Variants in NCOA2 observed in about 807,000 individuals in gnomAD.
NCOA2 encodes nuclear receptor coactivator 2, also known as class E basic helix-loop-helix protein 75.
In NCOA2, 21 loss-of-function variants were observed where a neutral mutation model predicts 145.1. The observed-to-expected ratio is 0.14, with a 90% CI of 0.10 to 0.21. The LOEUF (loss-of-function observed/expected upper bound fraction) is 0.21. Ranked by LOEUF, NCOA2 falls within the 10% of genes least tolerant of loss-of-function variation. The pLI, the probability that NCOA2 is intolerant of heterozygous loss-of-function variation, is 1.00. For synonymous variants in NCOA2, 619 were observed against 637.5 expected, an observed-to-expected ratio of 0.97 and a Z score of 0.44; for missense variants, 1,472 against 1,837.6, an observed-to-expected ratio of 0.80 and a Z score of 3.64.
At chr8:70,373,389 C>T (rs1811387214) in intron 1 of NCOA2, among the ~76,000 whole-genome samples, 1 of 152,100 alleles carries the variant, frequency 6.6e-6, no homozygotes. Flanking sequence ...CTGTCCAAGT[C>T]TTTTGAACAT....
rs908697802 is a variant in NCOA2, at chr8:70,112,279, T to C, written c.*1353A>G. ...CCTTTAGGAGACATTGCTATGAAGATATCTAATTTAATACTGAAGTACCTC... is the reference window on the plus strand; with the variant it reads ...CCTTTAGGAGACATTGCTATGAAGACATCTAATTTAATACTGAAGTACCTC... On this transcript the variant is annotated 3_prime_UTR_variant, in exon 23 of 23. Coordinates refer to ENST00000452400, the MANE Select transcript of NCOA2 (RefSeq NM_006540.4). The C allele has an allele frequency of 3.6e-5, 7 of 196,128 alleles. No homozygotes were observed. The highest frequency in any genetic ancestry group is 5.3e-5 in the Non-Finnish European group (5 of 94,262). 12.1% of individuals were successfully genotyped at this position (196,128 alleles called of 1,614,324 possible). A position where few individuals can be genotyped will look rare whatever the true frequency, so the allele number is the denominator to read the frequency against.
At chr8:70,442,993 C>T in the NCOA2 span, among the ~76,000 whole-genome samples, 1 of 152,160 alleles carries the variant, frequency 6.6e-6, no homozygotes, top group African/African-American at 2.4e-5. Context: ...CACAAAAAAG[C>T]TTAACAAGTC....
chr8:70,271,093 C>T (rs1291821867), intron 2 of NCOA2, among the ~76,000 whole-genome samples: 3 of 152,106 alleles, frequency 2.0e-5, no homozygotes, highest in Non-Finnish European at 4.4e-5. Flanking sequence ...GAAAATACAT[C>T]TTGGCTCATT....
intron 2 of NCOA2, chr8:70,273,494 C>A: frequency 1.6e-6 from 1 of 643,954 alleles, no homozygotes; most frequent in South Asian, 1.7e-5. Context: ...TGATAAAAAA[C>A]GTCAGTTCTC....
intron 19 of NCOA2, 71 bp downstream of exon 19, chr8:70,126,742 C>T: frequency 2.4e-6 from 3 of 1,273,384 alleles, no homozygotes; most frequent in African/African-American, 1.5e-5. Context: ...GAGAGAGGAG[C>T]TGTGACCCAA....
rs1269119620 is a variant in NCOA2 at position 70,113,235 on chromosome 8, C to G, written c.*397G>C. ...GCACTAGACTGTTAGCCAGGGAAAA[C>G]AAAGCAAGAAACCAGTGTCTGGAAC... On this transcript the variant is annotated 3_prime_UTR_variant, in exon 23 of 23. Coordinates refer to ENST00000452400, the MANE Select transcript of NCOA2 (RefSeq NM_006540.4). 3 of 262,794 alleles carry G rather than the reference C, an allele frequency of 1.1e-5. No homozygotes were observed. Among genetic ancestry groups the G allele is most frequent in the African/African-American group, 4.3e-5 (2 of 46,196 alleles). 16.3% of individuals were successfully genotyped at this position (262,794 alleles called of 1,614,324 possible).
chr8:70,314,008 A>AATAT (rs371668024), intron 1 of NCOA2, among the ~76,000 whole-genome samples: 5 of 149,902 alleles, frequency 3.3e-5, no homozygotes, highest in East Asian at 2.0e-4. Context: ...CCTACTAAAA[A>AATAT]ATATATATAT....
intron 2 of NCOA2, among the ~76,000 whole-genome samples, chr8:70,261,968 A>AC (rs1824172774): frequency 6.6e-6 from 1 of 152,174 alleles, no homozygotes; most frequent in African/African-American, 2.4e-5. Flanking sequence ...ACCACTGCAG[A>AC]TAAATCTAAG....
chr8:70,247,487 C>T (rs1822727421), intron 2 of NCOA2, among the ~76,000 whole-genome samples: 1 of 152,144 alleles, frequency 6.6e-6, no homozygotes, highest in African/African-American at 2.4e-5. Context: ...GCCAAGGCAA[C>T]ATATACAATC....
rs148954599 is a variant in NCOA2, at chr8:70,240,556, G to A, written c.-19-23792C>T. Among the ~76,000 whole-genome samples, 57 of 152,212 alleles carry A rather than the reference G, an allele frequency of 3.7e-4. No individual in the cohort carries two copies. In the East Asian group the frequency reaches 5.4e-3, roughly 14 times the overall value. On this transcript the variant is annotated intron_variant, in intron 2 of 22. Coordinates refer to ENST00000452400, the MANE Select transcript of NCOA2 (RefSeq NM_006540.4). ...CTGATGTTGAAAATGGCCCCCAAGC[G>A]TGATGTTGGAACGCTATAGAGGGTT...
chr8:70,429,378 G>A, the NCOA2 span, among the ~76,000 whole-genome samples: 1 of 152,206 alleles, frequency 6.6e-6, no homozygotes, highest in Non-Finnish European at 1.5e-5. Flanking sequence ...GAGCTACTTA[G>A]GTATGCCTTT....
the NCOA2 span, among the ~76,000 whole-genome samples, chr8:70,453,353 A>G: frequency 6.6e-6 from 1 of 152,236 alleles, no homozygotes; most frequent in Non-Finnish European, 1.5e-5. Context: ...CCCTAGGCTC[A>G]CGCAGAAATT....
At chr8:70,177,199 G>A (rs184287190) in intron 4 of NCOA2, among the ~76,000 whole-genome samples, 203 of 152,276 alleles carry the variant, frequency 1.3e-3, no homozygotes, top group African/African-American at 4.7e-3. Context: ...CCTCCCTGGA[G>A]GGGGGTCTAT....
intron 2 of NCOA2, among the ~76,000 whole-genome samples, chr8:70,265,569 T>C (rs1286883653): frequency 6.6e-6 from 1 of 152,240 alleles, no homozygotes; most frequent in Non-Finnish European, 1.5e-5. Context: ...ACTTTAAGAC[T>C]ATTATCCTAT....
intron 9 of NCOA2, among the ~76,000 whole-genome samples, chr8:70,160,068 T>G (rs1812771228): frequency 1.3e-5 from 2 of 152,212 alleles, no homozygotes; most frequent in South Asian, 2.1e-4. Flanking sequence ...CTTGTAAAAC[T>G]AATACAAATA....
At chr8:70,248,137 T>C (rs142879218) in intron 2 of NCOA2, among the ~76,000 whole-genome samples, 82 of 152,364 alleles carry the variant, frequency 5.4e-4, no homozygotes, top group African/African-American at 1.9e-3. Context: ...TTGTATATAA[T>C]GGTGGTTCAT....
intron 4 of NCOA2, among the ~76,000 whole-genome samples, chr8:70,183,438 A>C (rs1331028204): frequency 6.6e-6 from 1 of 152,252 alleles, no homozygotes; most frequent in East Asian, 1.9e-4. Flanking sequence ...ATTATATTTA[A>C]AAAGTTGTTT....
chr8:70,227,561 C>T (rs997644177), intron 2 of NCOA2, among the ~76,000 whole-genome samples: 2 of 152,068 alleles, frequency 1.3e-5, no homozygotes, highest in African/African-American at 4.8e-5. Context: ...CATTTTCTTA[C>T]CATACAAATT....
chr8:70,226,644 C>T, intron 2 of NCOA2, among the ~76,000 whole-genome samples: 1 of 129,586 alleles, frequency 7.7e-6, no homozygotes, highest in East Asian at 2.0e-4. Context: ...ATACTTAAAA[C>T]TTATGTTTTA....
Sources: gnomAD v4.1 joint callset for allele counts (sites outside exome capture counted in the v4.1 genomes callset) on GRCh38, gnomAD v4.1.1 for gene constraint, MANE v1.5 for transcripts, NCBI Gene and HGNC (gene_info 2026-07-23, HGNC 2026-07-21) for gene names.